Variants in PDE11A observed in about 807,000 individuals in gnomAD.
The protein encoded by PDE11A is dual 3',5'-cyclic-AMP and -GMP phosphodiesterase 11A.
PDE11A carries 100 observed loss-of-function variants against 100.5 expected under a neutral mutation model. That is an observed-to-expected ratio of 1.00 (90% CI 0.85 to 1.18). The LOEUF is 1.18. Among genes scored for constraint, PDE11A ranks in the 50% most tolerant of loss-of-function variants. The pLI is 0.00. For missense variants in PDE11A, 1,141 were observed against 1,152.6 expected (o/e 0.99, Z 0.15); for synonymous variants, 381 against 420.8 (o/e 0.91, Z 1.16).
rs918779155 is a variant in PDE11A at position 177,945,109 on chromosome 2, C to T, written c.1072-39922G>A. Among the ~76,000 whole-genome samples, 4 of 150,982 alleles carry T rather than the reference C, an allele frequency of 2.6e-5. No individual in the cohort carries two copies. In the Middle Eastern group the frequency reaches 0.01, roughly 390 times the overall value. ...GGTGCCGGGATTGCAGAGGGAGTCT[C>T]GTTCACTCAGTGCTCAATGGTGCCC... is the stretch of plus-strand genomic sequence containing the variant. On this transcript the variant is annotated intron_variant, in intron 2 of 19. Coordinates refer to ENST00000286063, the MANE Select transcript of PDE11A (RefSeq NM_016953.4).
intron 1 of PDE11A, among the ~76,000 whole-genome samples, chr2:178,107,618 A>T (rs1302093333): frequency 2.0e-5 from 3 of 151,964 alleles, no homozygotes; most frequent in Admixed American, 2.0e-4. Flanking sequence ...AAACGAGGCA[A>T]ACAGAAATTA....
At chr2:177,991,176 T>C (rs1052638656) in intron 2 of PDE11A, among the ~76,000 whole-genome samples, 5 of 147,830 alleles carry the variant, frequency 3.4e-5, no homozygotes, top group African/African-American at 1.3e-4. Flanking sequence ...AATACAAAAA[T>C]TAGCTGGGTG....
chr2:177,879,205 G>A (rs563536723), intron 4 of PDE11A, among the ~76,000 whole-genome samples: 1 of 152,256 alleles, frequency 6.6e-6, no homozygotes, highest in East Asian at 1.9e-4. Context: ...TTTCTGTGCA[G>A]GAGAAAAGAA....
At chr2:177,761,846 A>T (rs954072742) in intron 10 of PDE11A, among the ~76,000 whole-genome samples, 4 of 152,246 alleles carry the variant, frequency 2.6e-5, no homozygotes, top group Non-Finnish European at 2.9e-5. Flanking sequence ...GCTGAAAGTT[A>T]GAGTTTGGAA....
rs145539207 is a variant in PDE11A at position 177,774,136 on chromosome 2, G to A, written c.1738-4763C>T. On this transcript the variant is annotated intron_variant, in intron 9 of 19. Transcript: ENST00000286063. ...TATTGTATCAATTTAGCCATCATGC[G>A]ATTCTGACTGGATGTAAATACACAA... Among the ~76,000 whole-genome samples the A allele has an allele frequency of 2.6e-5, 4 of 152,264 alleles. No individual in the cohort carries two copies. The East Asian group carries it at 5.8e-4, about 22-fold the overall frequency.
chr2:177,776,855 T>C (rs995339845), intron 9 of PDE11A, among the ~76,000 whole-genome samples: 4 of 152,116 alleles, frequency 2.6e-5, no homozygotes, highest in African/African-American at 9.7e-5. Context: ...TCATCTTGGA[T>C]TGTAGTTCCC....
chr2:177,807,664 G>C (rs1438624526), intron 9 of PDE11A, among the ~76,000 whole-genome samples: 1 of 152,156 alleles, frequency 6.6e-6, no homozygotes, highest in Admixed American at 6.5e-5. Context: ...GGGCTCAAGT[G>C]ATCCTCCTGC....
intron 1 of PDE11A, chr2:178,105,848 G>A (rs11887974): frequency 0.23 from 81,384 of 359,636 alleles, 9,071 homozygotes; most frequent in African/African-American, 0.27. Context: ...AAACACTTGC[G>A]GTTTCTGTCC....
At chr2:177,786,859 A>G (rs1183784292) in intron 9 of PDE11A, among the ~76,000 whole-genome samples, 8 of 152,026 alleles carry the variant, frequency 5.3e-5, no homozygotes, top group Admixed American at 3.9e-4. Context: ...AAAGAAACGA[A>G]CAAAGCCTCC....
In PDE11A at chr2:178,072,462, G is replaced by C. The variant is rs543339025; in HGVS notation, c.-25C>G. Reference sequence around the variant, plus strand: ...TGGTCCCAGACAGCTTTCCTTGCCTGTTTACACGTGAACCAAATGTTTTCC... The same window carrying C: ...TGGTCCCAGACAGCTTTCCTTGCCTCTTTACACGTGAACCAAATGTTTTCC... On this transcript the variant is annotated 5_prime_UTR_variant, in exon 1 of 20. Coordinates refer to ENST00000286063, the MANE Select transcript of PDE11A (RefSeq NM_016953.4). 278 of 1,612,518 alleles carry C rather than the reference G, an allele frequency of 1.7e-4. 1 individual carries two copies. In the South Asian group the frequency reaches 2.9e-3, roughly 17 times the overall value.
At chr2:177,917,195 C>CAA (rs66967582) in intron 2 of PDE11A, among the ~76,000 whole-genome samples, 11,250 of 149,550 alleles carry the variant, frequency 0.075, 409 homozygotes, top group South Asian at 0.095. Context: ...CTATATGTGC[C>CAA]AAAAAAAAAA....
intron 2 of PDE11A, among the ~76,000 whole-genome samples, chr2:177,989,971 A>AGGGAGAGAAGGGGGAAAGAGAAT (rs2085983370): frequency 1.3e-5 from 2 of 152,236 alleles, no homozygotes; most frequent in Non-Finnish European, 2.9e-5. Flanking sequence ...ATGGAAATGA[A>AGGGAGAGAAGGGGGAAAGAGAAT]GGGAGAGAAG....
chr2:177,634,279 C>T (rs1012898019), intron 19 of PDE11A, among the ~76,000 whole-genome samples: 7 of 152,062 alleles, frequency 4.6e-5, no homozygotes, highest in African/African-American at 1.4e-4. Flanking sequence ...GTTTTATATT[C>T]TCCTGAAACA....
At chr2:178,003,157 A>G (rs1327260636) in intron 2 of PDE11A, among the ~76,000 whole-genome samples, 3 of 152,178 alleles carry the variant, frequency 2.0e-5, no homozygotes, top group Non-Finnish European at 4.4e-5. Flanking sequence ...AAAAGGTTAA[A>G]CACTAGAGTT....
At chr2:178,093,023 T>G (rs1165132243) in intron 2 of PDE11A, 2 of 152,234 alleles carry the variant, frequency 1.3e-5, no homozygotes, top group Non-Finnish European at 2.9e-5. Flanking sequence ...GCTCACTTTC[T>G]GATCTGACCC....
chr2:178,104,170 C>A, intron 2 of PDE11A: 1 of 815,220 alleles, frequency 1.2e-6, no homozygotes. Flanking sequence ...GATATAAATC[C>A]ATATTTCAGT....
chr2:177,630,479 G>T (rs1376115982), intron 19 of PDE11A, among the ~76,000 whole-genome samples: 1 of 152,058 alleles, frequency 6.6e-6, no homozygotes, highest in Admixed American at 6.5e-5. Flanking sequence ...CAAGATAGGG[G>T]GTAACATGGG....
chr2:177,711,912 C>T (rs1256688159), intron 12 of PDE11A, 34 bp from the exon 13 acceptor site: 10 of 1,106,790 alleles, frequency 9.0e-6, no homozygotes, highest in Non-Finnish European at 1.3e-5. Flanking sequence ...ACAGTCACTA[C>T]TGGGGTACGG....
intron 19 of PDE11A, among the ~76,000 whole-genome samples, chr2:177,634,195 T>G (rs1438906601): frequency 3.3e-5 from 5 of 152,150 alleles, no homozygotes; most frequent in Non-Finnish European, 5.9e-5. Flanking sequence ...GTTCTCCTTC[T>G]TGCTTCCTTT....
Sources: allele counts gnomAD v4.1 joint callset (sites outside exome capture counted in the v4.1 genomes callset), GRCh38; gene constraint gnomAD v4.1.1; transcripts MANE v1.5; gene names NCBI Gene and HGNC (gene_info 2026-07-23, HGNC 2026-07-21).